The following LTN1 variants were observed in gnomAD, a reference collection of about 807,000 sequenced individuals.
LTN1 encodes the protein E3 ubiquitin-protein ligase listerin.
In LTN1, 88 loss-of-function variants were observed where a neutral mutation model predicts 201.2. The observed-to-expected ratio is 0.44, with a 90% CI of 0.37 to 0.52. LTN1 has a LOEUF of 0.52. LTN1 is among the 20% of genes least tolerant of loss of function. The pLI, the probability that LTN1 is intolerant of heterozygous loss-of-function variation, is 0.00. For missense variants in LTN1, 1,752 were observed against 2,038.7 expected, an observed-to-expected ratio of 0.86 and a Z score of 2.71; for synonymous variants, 645 against 713.5, an observed-to-expected ratio of 0.90 and a Z score of 1.53.
At chr21:28,990,395 T>G (rs2084735424) in intron 1 of LTN1, among the ~76,000 whole-genome samples, 1 of 152,210 alleles carries the variant, frequency 6.6e-6, no homozygotes, top group African/African-American at 2.4e-5. Context: ...ACATTTAAAA[T>G]GAGATATGAG....
Position 28,953,378 on chromosome 21 carries a change from TAAAAG to T in LTN1, c.3080-7_3080-3del, listed in dbSNP as rs776312955. The T allele has an allele frequency of 1.9e-5, 30 of 1,569,128 alleles. No homozygotes were observed. The highest frequency in any genetic ancestry group is 1.2e-4 in the South Asian group (10 of 83,750). On this transcript the variant is annotated splice_region_variant and splice_polypyrimidine_tract_variant and intron_variant, in intron 16 of 29. Coordinates refer to ENST00000361371, the MANE Select transcript of LTN1 (RefSeq NM_015565.3). ...GCAGTGAATAAAGCAGTTCTGCAAC[TAAAAG>T]AAGAGACAGCACCAAATTATGAAAA...
At chr21:28,952,670 G>A (rs2084392174) in intron 17 of LTN1, among the ~76,000 whole-genome samples, 1 of 152,302 alleles carries the variant, frequency 6.6e-6, no homozygotes, top group Admixed American at 6.5e-5. Flanking sequence ...AGTAGAATGC[G>A]ATTGGAAAGG....
At chr21:28,946,329 C>A in intron 19 of LTN1, 42 bp from the exon 20 acceptor site, 1 of 1,341,132 alleles carries the variant, frequency 7.5e-7, no homozygotes, top group Non-Finnish European at 1.0e-6. Context: ...TATTTAAGAA[C>A]TATATCGCTA....
In LTN1 at chr21:28,964,321, C is replaced by G. The variant is rs115379133; in HGVS notation, c.2163+1544G>C. ...ACTCCAGCCTTCAGATACCACCACC[C>G]TGGTCAGTCAGCAGCCATGAACATT... On this transcript the variant is annotated intron_variant, in intron 11 of 29. Transcript: ENST00000361371. 7.3e-3 allele frequency among the ~76,000 whole-genome samples: 1,111 copies of G among 152,320 alleles called. 10 individuals are homozygous for G. Among genetic ancestry groups the G allele is most frequent in the African/African-American group, 0.025 (1,042 of 41,568 alleles).
intron 4 of LTN1, among the ~76,000 whole-genome samples, chr21:28,983,287 A>G (rs1326614430): frequency 6.6e-6 from 1 of 152,190 alleles, no homozygotes; most frequent in African/African-American, 2.4e-5. Flanking sequence ...GAACAAATTT[A>G]TTTTCTAAAG....
chr21:28,936,357 A>C (rs1332205595), intron 26 of LTN1, among the ~76,000 whole-genome samples, 169 bp downstream of exon 26: 1 of 152,244 alleles, frequency 6.6e-6, no homozygotes, highest in Non-Finnish European at 1.5e-5. Flanking sequence ...TTATGGGTAA[A>C]AACTAATTAT....
In LTN1 at chr21:28,929,239, C is replaced by T. The variant is rs1161495044; in HGVS notation, c.*1209G>A. On this transcript the variant is annotated 3_prime_UTR_variant, in exon 30 of 30. Coordinates refer to ENST00000361371, the MANE Select transcript of LTN1 (RefSeq NM_015565.3). The stretch of plus-strand genomic sequence containing the variant: ...CATGAATTGCTTTTTGCCAATTAAA[C>T]ATGTGCAACAGAGATGATTAGCTGG... The T allele has an allele frequency of 6.6e-6, 1 of 152,586 alleles. No individual in the cohort carries two copies. The highest frequency in any genetic ancestry group is 1.9e-4 in the East Asian group (1 of 5,198). 9.5% of individuals were successfully genotyped at this position (152,586 alleles called of 1,614,324 possible). A position where few individuals can be genotyped will look rare whatever the true frequency, so the allele number is the denominator to read the frequency against.
intron 8 of LTN1, among the ~76,000 whole-genome samples, 159 bp from the exon 9 acceptor site, chr21:28,969,760 C>T (rs2084557949): frequency 6.6e-6 from 1 of 151,742 alleles, no homozygotes; most frequent in African/African-American, 2.4e-5. Flanking sequence ...TACATATAGC[C>T]CAATGAGAAT....
At chr21:28,970,403 G>C (rs1405416175) in intron 8 of LTN1, 149 bp downstream of exon 8, 2 of 635,324 alleles carry the variant, frequency 3.1e-6, no homozygotes, top group African/African-American at 3.7e-5. Context: ...ACGTACTCAA[G>C]AAAAAAATAT....
At chr21:28,960,989 A>G (rs2084474459) in intron 11 of LTN1, among the ~76,000 whole-genome samples, 1 of 146,186 alleles carries the variant, frequency 6.8e-6, no homozygotes, top group African/African-American at 2.6e-5. Context: ...TTTGAAAATC[A>G]GTACAAATCC....
chr21:28,941,263 G>A lies in LTN1; in HGVS notation c.4439C>T (p.Thr1480Ile), dbSNP rs758320051. 1.2e-6 allele frequency: 2 copies of A among 1,611,904 alleles called. No individual in the cohort carries two copies. Among genetic ancestry groups the A allele is most frequent in the South Asian group, 2.2e-5 (2 of 90,436 alleles). Reference protein sequence around the residue: ...DFCYVLGYLLTWKLILTFFKA... With the variant: ...DFCYVLGYLLIWKLILTFFKA... Reference sequence around the variant, plus strand: ...GAAGAAAGTTAGTATTAATTTCCAAGTGAGAAGGTATCCCAGAACATAACA... The same window carrying A: ...GAAGAAAGTTAGTATTAATTTCCAAATGAGAAGGTATCCCAGAACATAACA... The change falls in exon 25 of 30, where the codon ACT becomes ATT. Residue 1480 changes from threonine (T) to isoleucine (I), a missense_variant. By Grantham distance (89) the Thr-to-Ile change is moderately conservative (BLOSUM62 -1). Coordinates refer to ENST00000361371, the MANE Select transcript of LTN1 (RefSeq NM_015565.3).
At position 28,981,272 on chromosome 21, in the gene LTN1, A is replaced by G. The variant is rs755144490; in HGVS notation, c.657T>C (p.Ala219=). The G allele has an allele frequency of 1.3e-6, 2 of 1,557,978 alleles. No individual in the cohort carries two copies. The highest frequency in any genetic ancestry group is 2.5e-5 in the South Asian group (2 of 79,744). The change falls in exon 6 of 30, where the codon GCT becomes GCC. Residue 219 remains alanine (A), a synonymous_variant. Coordinates refer to ENST00000361371, the MANE Select transcript of LTN1 (RefSeq NM_015565.3). ...AACAAGTTACAACCCGGTAGAATTT[A>G]GCTTCTCTTTCTTCCTCTGGAACAG... ...PQTVPEEERE[A]KFYRVVTCSL... is the part of the protein sequence containing the mutation.
chr21:28,937,720 A>G (rs2084267183), intron 25 of LTN1, among the ~76,000 whole-genome samples: 1 of 152,218 alleles, frequency 6.6e-6, no homozygotes, highest in Admixed American at 6.5e-5. Context: ...GAGCACCAAC[A>G]TGATGCTTAA....
intron 27 of LTN1, among the ~76,000 whole-genome samples, chr21:28,933,699 G>A (rs1191587940): frequency 1.5e-4 from 20 of 136,836 alleles, no homozygotes; most frequent in Non-Finnish European, 2.0e-4. Context: ...TTTTTGAGAT[G>A]GAGTTTCACT....
At chr21:28,971,220 T>C (rs2084571625) in intron 7 of LTN1, 51 bp downstream of exon 7, 2 of 1,401,430 alleles carry the variant, frequency 1.4e-6, no homozygotes, top group Non-Finnish European at 1.9e-6. Flanking sequence ...TTGGATATTC[T>C]TATCTCATAG....
intron 6 of LTN1, 50 bp downstream of exon 6, chr21:28,981,069 T>C (rs2084654698): frequency 2.7e-6 from 3 of 1,131,828 alleles, no homozygotes; most frequent in East Asian, 5.2e-5. Flanking sequence ...ACTAAGAAGA[T>C]GGGGGTAAGG....
intron 8 of LTN1, 122 bp downstream of exon 8, chr21:28,970,430 A>G: frequency 1.4e-6 from 1 of 701,732 alleles, no homozygotes; most frequent in Non-Finnish European, 2.4e-6. Context: ...TAATTCTCTG[A>G]AAACTTTAAA....
At chr21:28,985,234 C>A (rs914237131) in intron 3 of LTN1, among the ~76,000 whole-genome samples, 1 of 151,948 alleles carries the variant, frequency 6.6e-6, no homozygotes, top group African/African-American at 2.4e-5. Flanking sequence ...CCGAGGCAGG[C>A]GGATTATTGG....
chr21:28,940,905 C>T (rs1328262322), intron 25 of LTN1, among the ~76,000 whole-genome samples: 2 of 151,932 alleles, frequency 1.3e-5, no homozygotes, highest in African/African-American at 2.4e-5. Context: ...CTGGGCAACA[C>T]GGTGAAACCC....
Sources: gnomAD v4.1 joint callset for allele counts (sites outside exome capture counted in the v4.1 genomes callset) on GRCh38, gnomAD v4.1.1 for gene constraint, MANE v1.5 for transcripts, NCBI Gene and HGNC (gene_info 2026-07-23, HGNC 2026-07-21) for gene names.